TGFBR3: variants seen among roughly 807,000 people sequenced by gnomAD.
TGFBR3 encodes transforming growth factor beta receptor 3.
Under a neutral mutation model 87.9 loss-of-function variants are expected in TGFBR3, and 46 were observed. The observed-to-expected ratio is 0.52, with a 90% confidence interval of 0.41 to 0.67. TGFBR3 has a LOEUF of 0.67. TGFBR3 is among the 30% of genes least tolerant of loss of function. TGFBR3 has a pLI of 0.00. For missense variants in TGFBR3, 866 were observed against 1,041.9 expected (o/e 0.83, Z 2.32); for synonymous variants, 381 against 391.6 (o/e 0.97, Z 0.32).
intron 4 of TGFBR3, among the ~76,000 whole-genome samples, chr1:91,744,749 G>T (rs1482909847): frequency 1.3e-5 from 2 of 152,170 alleles, no homozygotes. Flanking sequence ...CTAGGCCATA[G>T]ATATGAATAT....
intron 2 of TGFBR3, among the ~76,000 whole-genome samples, chr1:91,806,904 G>A (rs1005557101): frequency 9.2e-5 from 14 of 152,274 alleles, no homozygotes; most frequent in African/African-American, 3.4e-4. Flanking sequence ...TACCCCCATG[G>A]GATGCAAGAA....
chr1:91,727,644 G>C lies in TGFBR3; in HGVS notation c.885+15C>G. 1.2e-6 allele frequency: 2 copies of C among 1,613,922 alleles called. No individual in the cohort carries two copies. The highest frequency in any genetic ancestry group is 1.7e-6 in the Non-Finnish European group (2 of 1,179,890). ...TTTATCTAAACAAAACAAAAGACAT[G>C]CTCCACCAACTTACAATAATTTTCA... On this transcript the variant is annotated intron_variant, in intron 7 of 16. Transcript: ENST00000212355.
intron 1 of TGFBR3, among the ~76,000 whole-genome samples, chr1:91,878,780 G>C (rs1184789734): frequency 6.6e-6 from 1 of 152,202 alleles, no homozygotes; most frequent in African/African-American, 2.4e-5. Context: ...GCATATACCA[G>C]AGAAATGAAT....
In TGFBR3 at chr1:91,682,714, T is replaced by G. The variant is rs1670951950; in HGVS notation, c.*1025A>C. ...GGGCCTATTTTTTTTTAAGTTGACA[T>G]ATTTTGAGTGGAAACACTCACCCTA... On this transcript the variant is annotated 3_prime_UTR_variant, in exon 17 of 17. Transcript: ENST00000212355. 1 of 453,832 alleles carries G rather than the reference T, an allele frequency of 2.2e-6. No individual in the cohort carries two copies. The highest frequency in any genetic ancestry group is 4.4e-6 in the Non-Finnish European group (1 of 226,760). The allele number at this position is 453,832 out of a possible 1,614,324, so 28.1% of individuals were successfully genotyped here. A position where few individuals can be genotyped will look rare whatever the true frequency, so the allele number is the denominator to read the frequency against.
chr1:91,749,037 C>G (rs928830742), intron 4 of TGFBR3, among the ~76,000 whole-genome samples: 3 of 152,148 alleles, frequency 2.0e-5, no homozygotes, highest in African/African-American at 7.2e-5. Flanking sequence ...CTGACAGATG[C>G]TGAGGTTGAC....
At chr1:91,870,750 A>G (rs967213912) in intron 1 of TGFBR3, among the ~76,000 whole-genome samples, 5 of 152,220 alleles carry the variant, frequency 3.3e-5, no homozygotes, top group Non-Finnish European at 7.3e-5. Context: ...TAATCCCAGC[A>G]CTTTGGGAGG....
intron 1 of TGFBR3, among the ~76,000 whole-genome samples, chr1:91,880,224 G>T (rs1473710632): frequency 1.3e-5 from 2 of 151,978 alleles, no homozygotes; most frequent in Admixed American, 6.6e-5. Flanking sequence ...TACATTAAAG[G>T]CCCCTAAAAA....
chr1:91,697,018 G>A (rs1040786702), intron 15 of TGFBR3, among the ~76,000 whole-genome samples: 3 of 152,126 alleles, frequency 2.0e-5, no homozygotes, highest in Non-Finnish European at 2.9e-5. Context: ...TGAAAAATGC[G>A]GATAGCTTTA....
intron 1 of TGFBR3, among the ~76,000 whole-genome samples, chr1:91,900,751 C>A (rs1354769608): frequency 6.6e-6 from 1 of 152,198 alleles, no homozygotes; most frequent in Non-Finnish European, 1.5e-5. Context: ...GGGATGACAG[C>A]AAAGCTGAAT....
chr1:91,843,633 T>G (rs1359279509), intron 2 of TGFBR3, among the ~76,000 whole-genome samples: 1 of 152,184 alleles, frequency 6.6e-6, no homozygotes, highest in Admixed American at 6.5e-5. Context: ...TCATTTATAA[T>G]CCTCACAAGA....
chr1:91,716,050 T>A (rs1672156666), intron 12 of TGFBR3, among the ~76,000 whole-genome samples, 186 bp downstream of exon 12: 1 of 152,064 alleles, frequency 6.6e-6, no homozygotes, highest in Non-Finnish European at 1.5e-5. Context: ...ATGTATTAAA[T>A]CTTGAAATTT....
rs114842511 is a variant in TGFBR3, at chr1:91,854,899, T to C, written c.61+6572A>G. Among the ~76,000 whole-genome samples the C allele has an allele frequency of 9.8e-3, 1,490 of 152,256 alleles. 29 individuals are homozygous for C. The highest frequency in any genetic ancestry group is 0.033 in the African/African-American group (1,385 of 41,550). On this transcript the variant is annotated intron_variant, in intron 2 of 16. Transcript: ENST00000212355. ...ATTCTCATTCTAGAAATGAAGAAAATAGTGCCTGCCTACCCCCAGAGGCTG... is the reference window on the plus strand; with the variant it reads ...ATTCTCATTCTAGAAATGAAGAAAACAGTGCCTGCCTACCCCCAGAGGCTG...
chr1:91,713,549 G>A (rs1223600253), intron 12 of TGFBR3, among the ~76,000 whole-genome samples: 2 of 152,176 alleles, frequency 1.3e-5, no homozygotes, highest in African/African-American at 4.8e-5. Context: ...AACAGCCGCA[G>A]AATCATTTCA....
intron 3 of TGFBR3, among the ~76,000 whole-genome samples, chr1:91,778,944 A>C (rs987532857): frequency 6.6e-6 from 1 of 152,142 alleles, no homozygotes. Context: ...CAAAGCAGGG[A>C]CTGGGTGAAG....
Position 91,683,529 on chromosome 1 carries a change from T to C in TGFBR3, c.*210A>G, listed in dbSNP as rs1670983672. Reference sequence around the variant, plus strand: ...CTTTCTCACATGAATTCTAGTGTGGTACAGAAGCCCAGGGTCATGTTTATA... The same window carrying C: ...CTTTCTCACATGAATTCTAGTGTGGCACAGAAGCCCAGGGTCATGTTTATA... On this transcript the variant is annotated 3_prime_UTR_variant, in exon 17 of 17. Transcript: ENST00000212355. 1 of 696,150 alleles carries C rather than the reference T, an allele frequency of 1.4e-6. No individual in the cohort carries two copies. Among genetic ancestry groups the C allele is most frequent in the South Asian group, 1.5e-5 (1 of 66,640 alleles). 43.1% of individuals were successfully genotyped at this position (696,150 alleles called of 1,614,324 possible). A position where few individuals can be genotyped will look rare whatever the true frequency, so the allele number is the denominator to read the frequency against.
chr1:91,747,872 T>G (rs1673399048), intron 4 of TGFBR3, among the ~76,000 whole-genome samples: 1 of 152,252 alleles, frequency 6.6e-6, no homozygotes, highest in South Asian at 2.1e-4. Context: ...CTGCCCTTCC[T>G]GAAGGCCTCC....
intron 2 of TGFBR3, among the ~76,000 whole-genome samples, chr1:91,840,351 T>A (rs1231151615): frequency 6.6e-6 from 1 of 151,802 alleles, no homozygotes; most frequent in Non-Finnish European, 1.5e-5. Context: ...TGTTCTATCT[T>A]GTACTCTCAA....
chr1:91,901,951 A>G (rs1015298705), intron 1 of TGFBR3, among the ~76,000 whole-genome samples: 1 of 151,690 alleles, frequency 6.6e-6, no homozygotes, highest in Non-Finnish European at 1.5e-5. Context: ...AGAAAAAAAA[A>G]AAAACGGTAT....
intron 2 of TGFBR3, among the ~76,000 whole-genome samples, chr1:91,857,825 A>G (rs766772711): frequency 5.9e-5 from 9 of 152,222 alleles, no homozygotes; most frequent in Non-Finnish European, 1.0e-4. Context: ...CTTTGCATGT[A>G]TATCCCTAAG....
Sources: allele counts gnomAD v4.1 joint callset (sites outside exome capture counted in the v4.1 genomes callset), GRCh38; gene constraint gnomAD v4.1.1; transcripts MANE v1.5; gene names NCBI Gene and HGNC (gene_info 2026-07-23, HGNC 2026-07-21).